Variants in MAGI1 observed in about 807,000 individuals in gnomAD.
MAGI1 encodes the protein membrane-associated guanylate kinase, WW and PDZ domain-containing protein 1.
In MAGI1, 58 loss-of-function variants were observed where a neutral mutation model predicts 139.9. The observed-to-expected ratio is 0.41, with a 90% CI of 0.34 to 0.52. The LOEUF is 0.52. Among genes scored for constraint, MAGI1 ranks in the 20% least tolerant of loss-of-function variants. The pLI is 0.12. For missense variants in MAGI1, 1,874 were observed against 1,901.6 expected, an observed-to-expected ratio of 0.99 and a Z score of 0.27; for synonymous variants, 812 against 737.9, an observed-to-expected ratio of 1.10 and a Z score of -1.63.
chr3:65,429,138 AC>A (rs1947290321), intron 12 of MAGI1, among the ~76,000 whole-genome samples: 1 of 151,992 alleles, frequency 6.6e-6, no homozygotes, highest in South Asian at 2.1e-4. Context: ...ATATAAAAAA[AC>A]TTTTTAGAGA....
chr3:65,592,759 T>C (rs1030529124), intron 2 of MAGI1, among the ~76,000 whole-genome samples: 1 of 152,210 alleles, frequency 6.6e-6, no homozygotes, highest in East Asian at 1.9e-4. Flanking sequence ...CATTTTTCCA[T>C]TGTGCTTGAC....
intron 1 of MAGI1, among the ~76,000 whole-genome samples, chr3:65,913,604 G>A (rs1289177037): frequency 1.3e-5 from 2 of 152,146 alleles, no homozygotes. Context: ...GGCAAAACAG[G>A]TTCCTTAAAC....
At chr3:65,606,765 G>A (rs998756917) in intron 2 of MAGI1, among the ~76,000 whole-genome samples, 3 of 152,098 alleles carry the variant, frequency 2.0e-5, no homozygotes, top group East Asian at 1.9e-4. Flanking sequence ...TGATCCACCC[G>A]CCTCAGCCTC....
chr3:65,666,644 T>C (rs1038396232), intron 1 of MAGI1, among the ~76,000 whole-genome samples: 4 of 152,206 alleles, frequency 2.6e-5, no homozygotes, highest in Admixed American at 6.5e-5. Flanking sequence ...ATGCGTTTCC[T>C]TTACAAACCT....
intron 1 of MAGI1, among the ~76,000 whole-genome samples, chr3:65,625,361 G>C (rs1390191350): frequency 6.6e-6 from 1 of 152,116 alleles, no homozygotes; most frequent in Non-Finnish European, 1.5e-5. Context: ...TCAATGTTCA[G>C]GTTGCGTAGT....
At chr3:65,940,763 C>A (rs565028587) in intron 1 of MAGI1, among the ~76,000 whole-genome samples, 1 of 152,096 alleles carries the variant, frequency 6.6e-6, no homozygotes, top group African/African-American at 2.4e-5. Flanking sequence ...AACCAAAGTG[C>A]GTATCAGACT....
At chr3:65,553,909 C>T (rs1016715098) in intron 2 of MAGI1, among the ~76,000 whole-genome samples, 3 of 152,148 alleles carry the variant, frequency 2.0e-5, no homozygotes, top group Admixed American at 2.0e-4. Flanking sequence ...ATACTTTCCT[C>T]GAGGTAATGT....
At chr3:65,391,010 T>C (rs1943883820) in intron 14 of MAGI1, 132 bp downstream of exon 14, 2 of 736,686 alleles carry the variant, frequency 2.7e-6, no homozygotes, top group African/African-American at 3.5e-5. Context: ...CCCTCTGTGA[T>C]ACTTTTGCAT....
At chr3:65,862,992 A>C (rs2059605092) in intron 1 of MAGI1, among the ~76,000 whole-genome samples, 1 of 152,160 alleles carries the variant, frequency 6.6e-6, no homozygotes, top group African/African-American at 2.4e-5. Flanking sequence ...GGTCTCCCCT[A>C]ATCCAGGCCC....
intron 2 of MAGI1, among the ~76,000 whole-genome samples, chr3:65,554,267 A>G (rs2079984206): frequency 6.6e-6 from 1 of 152,166 alleles, no homozygotes; most frequent in Admixed American, 6.5e-5. Flanking sequence ...ATATTAGCAA[A>G]TATAACAGTA....
chr3:65,745,832 C>G (rs771027504), intron 1 of MAGI1, among the ~76,000 whole-genome samples: 145 of 152,318 alleles, frequency 9.5e-4, no homozygotes, highest in Non-Finnish European at 8.4e-4. Context: ...CAGGCTCATG[C>G]AGTCCTCCCA....
rs1940187570 is a variant in MAGI1 at position 65,356,251 on chromosome 3, TTTG to T, written c.*124_*126del. On this transcript the variant is annotated 3_prime_UTR_variant, in exon 23 of 23. Coordinates refer to ENST00000402939, the MANE Select transcript of MAGI1 (RefSeq NM_001033057.2). ...TATAAGATTTCAAATGCATAAAATG[TTTG>T]TTGTTATTCATAGGATCATCAGGTG... 1.2e-6 allele frequency: 1 copy of T among 853,238 alleles called. No homozygotes were observed. The highest frequency in any genetic ancestry group is 1.7e-6 in the Non-Finnish European group (1 of 582,108). The allele number at this position is 853,238 out of a possible 1,614,324, so 52.9% of individuals were successfully genotyped here. A position where few individuals can be genotyped will look rare whatever the true frequency, so the allele number is the denominator to read the frequency against.
intron 1 of MAGI1, among the ~76,000 whole-genome samples, chr3:66,036,811 G>A (rs559456056): frequency 2.0e-5 from 3 of 152,288 alleles, no homozygotes; most frequent in South Asian, 4.1e-4. Context: ...CTTTCACTGG[G>A]GAGAACCTGC....
intron 1 of MAGI1, among the ~76,000 whole-genome samples, chr3:65,782,613 CAAAAAAAAAAAAAAA>C (rs56367932): frequency 1.7e-5 from 1 of 60,546 alleles, no homozygotes; most frequent in African/African-American, 5.9e-5. Flanking sequence ...ATTTCTTAAG[CAAAAAAAAAAAAAAA>C]AAAAAAAAAA....
intron 12 of MAGI1, among the ~76,000 whole-genome samples, chr3:65,414,924 G>C (rs1229736684): frequency 6.7e-6 from 1 of 149,506 alleles, no homozygotes; most frequent in African/African-American, 2.5e-5. Flanking sequence ...AGCTACTCGG[G>C]AGGCTGAGGC....
At chr3:65,453,433 C>G in intron 5 of MAGI1, 93 bp from the exon 6 acceptor site, 1 of 860,154 alleles carries the variant, frequency 1.2e-6, no homozygotes, top group East Asian at 2.5e-5. Flanking sequence ...TTGAATATTT[C>G]TTCCTTAACT....
At chr3:65,681,423 G>C (rs2087582438) in intron 1 of MAGI1, among the ~76,000 whole-genome samples, 1 of 152,116 alleles carries the variant, frequency 6.6e-6, no homozygotes, top group Admixed American at 6.5e-5. Context: ...CATTATTTTA[G>C]AACGTGAGTT....
intron 3 of MAGI1, among the ~76,000 whole-genome samples, chr3:65,489,913 T>C (rs1224119792): frequency 6.6e-6 from 1 of 152,244 alleles, no homozygotes; most frequent in Non-Finnish European, 1.5e-5. Context: ...TAAACATTTA[T>C]ATATGTCTTC....
At chr3:65,432,439 G>T (rs1947526997) in intron 10 of MAGI1, among the ~76,000 whole-genome samples, 2 of 152,246 alleles carry the variant, frequency 1.3e-5, no homozygotes, top group South Asian at 2.1e-4. Flanking sequence ...GAGTTTAAAA[G>T]GTCTCTGGGC....
Sources: gnomAD v4.1 joint callset for allele counts (sites outside exome capture counted in the v4.1 genomes callset) on GRCh38, gnomAD v4.1.1 for gene constraint, MANE v1.5 for transcripts, NCBI Gene and HGNC (gene_info 2026-07-23, HGNC 2026-07-21) for gene names.